DLGAP1: variants seen among roughly 807,000 people sequenced by gnomAD.
DLGAP1 encodes disks large-associated protein 1.
Under a neutral mutation model 90.8 loss-of-function variants are expected in DLGAP1, and 11 were observed. The ratio of observed to expected loss-of-function variants is 0.12; its 90% CI spans 0.08 to 0.20. DLGAP1 has a LOEUF of 0.20. Ranked by LOEUF, DLGAP1 falls within the 10% of genes least tolerant of loss-of-function variation. The pLI is 1.00. For synonymous variants in DLGAP1, 558 were observed against 540.7 expected (o/e 1.03, Z -0.44); for missense variants, 1,050 against 1,333.8 (o/e 0.79, Z 3.31).
At chr18:3,929,313 T>C (rs1039296603) in intron 3 of DLGAP1, among the ~76,000 whole-genome samples, 1 of 152,172 alleles carries the variant, frequency 6.6e-6, no homozygotes, top group African/African-American at 2.4e-5. Context: ...GTGTAGCACA[T>C]TATCCCCATA....
At chr18:3,917,173 T>C (rs1391786994) in intron 3 of DLGAP1, among the ~76,000 whole-genome samples, 1 of 152,248 alleles carries the variant, frequency 6.6e-6, no homozygotes, top group East Asian at 1.9e-4. Flanking sequence ...AAGTTAGCTG[T>C]ACTAAATGCA....
intron 7 of DLGAP1, among the ~76,000 whole-genome samples, chr18:3,600,759 T>TATATAGAG (rs2056883047): frequency 1.4e-5 from 1 of 73,370 alleles, no homozygotes; most frequent in Non-Finnish European, 2.7e-5. Context: ...TATATATAGA[T>TATATAGAG]ATATAGATAT....
intron 1 of DLGAP1, among the ~76,000 whole-genome samples, chr18:4,443,874 T>C (rs2083596351): frequency 6.6e-6 from 1 of 152,170 alleles, no homozygotes; most frequent in African/African-American, 2.4e-5. Context: ...ACCGTAACAA[T>C]AAAGAAAACT....
intron 5 of DLGAP1, among the ~76,000 whole-genome samples, chr18:3,789,550 G>T (rs2065626273): frequency 6.6e-6 from 1 of 152,138 alleles, no homozygotes; most frequent in African/African-American, 2.4e-5. Flanking sequence ...AGGACCATAG[G>T]GTGTATCAAT....
At chr18:3,630,916 T>C (rs958190063) in intron 7 of DLGAP1, among the ~76,000 whole-genome samples, 9 of 152,208 alleles carry the variant, frequency 5.9e-5, no homozygotes, top group African/African-American at 2.2e-4. Flanking sequence ...ATTAAATTTA[T>C]AGATCAGTTT....
chr18:4,401,328 T>C (rs1347205506), intron 1 of DLGAP1, among the ~76,000 whole-genome samples: 4 of 152,220 alleles, frequency 2.6e-5, no homozygotes, highest in African/African-American at 9.6e-5. Flanking sequence ...CTTTGCATTC[T>C]TAAAATTACT....
intron 1 of DLGAP1, among the ~76,000 whole-genome samples, chr18:4,204,546 G>C (rs184802520): frequency 4.6e-5 from 7 of 151,086 alleles, no homozygotes; most frequent in African/African-American, 1.7e-4. Context: ...TGACCGCAGT[G>C]CATCACATTA....
intron 1 of DLGAP1, among the ~76,000 whole-genome samples, chr18:4,165,838 G>A (rs2076924405): frequency 6.6e-6 from 1 of 152,134 alleles, no homozygotes; most frequent in African/African-American, 2.4e-5. Flanking sequence ...CATATGTCTG[G>A]TAAGGGACTA....
intron 7 of DLGAP1, among the ~76,000 whole-genome samples, chr18:3,644,198 G>A (rs2088627549): frequency 1.3e-5 from 2 of 152,142 alleles, no homozygotes; most frequent in Admixed American, 6.6e-5. Context: ...GTGTGGAGCA[G>A]GAATCTCCTG....
At chr18:3,963,784 C>T (rs933535277) in intron 3 of DLGAP1, among the ~76,000 whole-genome samples, 1 of 152,170 alleles carries the variant, frequency 6.6e-6, no homozygotes, top group South Asian at 2.1e-4. Context: ...CTTCAGCTCA[C>T]GTCCAACACC....
intron 2 of DLGAP1, among the ~76,000 whole-genome samples, chr18:4,040,427 G>A (rs948735877): frequency 1.3e-5 from 2 of 152,222 alleles, no homozygotes; most frequent in Admixed American, 6.5e-5. Flanking sequence ...TTAATGGATG[G>A]CCCTTTCTTA....
At chr18:3,836,567 C>T (rs1274192735) in intron 4 of DLGAP1, among the ~76,000 whole-genome samples, 3 of 152,130 alleles carry the variant, frequency 2.0e-5, no homozygotes, top group Non-Finnish European at 4.4e-5. Context: ...GGAGGAATTG[C>T]ACTTTTCGAC....
chr18:4,102,518 T>C (rs776118815), intron 2 of DLGAP1, among the ~76,000 whole-genome samples: 9 of 152,154 alleles, frequency 5.9e-5, no homozygotes, highest in Non-Finnish European at 1.2e-4. Flanking sequence ...GACTCAGCTA[T>C]AGAATAAAAG....
intron 3 of DLGAP1, among the ~76,000 whole-genome samples, chr18:3,927,597 C>A (rs1230359745): frequency 5.3e-5 from 8 of 152,128 alleles, no homozygotes; most frequent in Admixed American, 5.2e-4. Context: ...GAATGTTAGG[C>A]CTTCAGCTAT....
At chr18:4,227,844 A>G (rs2145027545) in intron 1 of DLGAP1, among the ~76,000 whole-genome samples, 1 of 151,944 alleles carries the variant, frequency 6.6e-6, no homozygotes, top group Admixed American at 6.6e-5. Flanking sequence ...AAAAGTAATA[A>G]TAAAGGTTAG....
chr18:4,341,653 T>C (rs542636861), intron 1 of DLGAP1, among the ~76,000 whole-genome samples: 2 of 152,294 alleles, frequency 1.3e-5, no homozygotes, highest in South Asian at 4.1e-4. Context: ...ACACCTGTCT[T>C]TTCCAAGAAA....
intron 1 of DLGAP1, among the ~76,000 whole-genome samples, chr18:4,400,830 G>C (rs915993081): frequency 6.6e-5 from 10 of 152,040 alleles, no homozygotes; most frequent in African/African-American, 2.2e-4. Context: ...CTGATGGCTG[G>C]GGTTCACCCT....
intron 3 of DLGAP1, chr18:3,995,709 G>C (rs1432819586): frequency 6.7e-6 from 1 of 150,270 alleles, no homozygotes; most frequent in East Asian, 2.0e-4. Flanking sequence ...CTCTCGCTTT[G>C]GTGCAACGTG....
intron 4 of DLGAP1, among the ~76,000 whole-genome samples, chr18:3,849,883 A>T (rs909363529): frequency 9.9e-5 from 15 of 152,192 alleles, no homozygotes; most frequent in Non-Finnish European, 2.1e-4. Context: ...CTGAGAGGGT[A>T]ATGACAGCAT....
Sources: gnomAD v4.1 joint callset for allele counts (sites outside exome capture counted in the v4.1 genomes callset) on GRCh38, gnomAD v4.1.1 for gene constraint, MANE v1.5 for transcripts, NCBI Gene and HGNC (gene_info 2026-07-23, HGNC 2026-07-21) for gene names.